The following BMPR1B variants were observed in gnomAD, a reference collection of about 807,000 sequenced individuals.
BMPR1B encodes the protein bone morphogenetic protein receptor type 1B, also known as bone morphogenetic protein receptor type-1B.
BMPR1B carries 12 observed loss-of-function variants against 59.1 expected under a neutral mutation model. That is an observed-to-expected ratio of 0.20 (90% CI 0.13 to 0.33). The LOEUF (loss-of-function observed/expected upper bound fraction) is 0.33. Ranked by LOEUF, BMPR1B falls within the 10% of genes least tolerant of loss-of-function variation. The pLI, the probability that BMPR1B is intolerant of heterozygous loss-of-function variation, is 1.00. For synonymous variants in BMPR1B, 237 were observed against 207.3 expected (o/e 1.14, Z -1.23); for missense variants, 550 against 610.9 (o/e 0.90, Z 1.05).
chr4:95,001,019 A>G (rs1722407388), intron 3 of BMPR1B, among the ~76,000 whole-genome samples: 1 of 152,204 alleles, frequency 6.6e-6, no homozygotes, highest in Non-Finnish European at 1.5e-5. Context: ...CATAGGTAAC[A>G]TAACCCGCCA....
At chr4:94,790,454 A>C (rs773021633) in intron 1 of BMPR1B, among the ~76,000 whole-genome samples, 3 of 152,130 alleles carry the variant, frequency 2.0e-5, no homozygotes, top group Non-Finnish European at 2.9e-5. Context: ...GGAGGCAGGA[A>C]GGCCAGTTAG....
chr4:94,930,146 C>T (rs1729041998), intron 2 of BMPR1B, among the ~76,000 whole-genome samples: 1 of 152,090 alleles, frequency 6.6e-6, no homozygotes, highest in Non-Finnish European at 1.5e-5. Context: ...GCCAGTTTTG[C>T]ACCTTCTAGT....
intron 2 of BMPR1B, among the ~76,000 whole-genome samples, chr4:94,908,093 A>AAGAAAAAG (rs1728125436): frequency 8.4e-6 from 1 of 118,712 alleles, no homozygotes; most frequent in Non-Finnish European, 1.6e-5. Context: ...AAAAAAAAGA[A>AAGAAAAAG]AAAACAAAAA....
intron 3 of BMPR1B, among the ~76,000 whole-genome samples, chr4:95,088,551 T>A (rs1729758202): frequency 6.6e-6 from 1 of 152,164 alleles, no homozygotes; most frequent in Admixed American, 6.5e-5. Context: ...ATCTGCTATG[T>A]CATAATAGCA....
chr4:94,840,053 T>C (rs1260292484), intron 1 of BMPR1B, among the ~76,000 whole-genome samples: 1 of 151,772 alleles, frequency 6.6e-6, no homozygotes, highest in Non-Finnish European at 1.5e-5. Flanking sequence ...AATTCTGTGT[T>C]GAACATTCTT....
chr4:95,056,014 C>A (rs1726902509), intron 3 of BMPR1B, among the ~76,000 whole-genome samples: 1 of 151,960 alleles, frequency 6.6e-6, no homozygotes, highest in African/African-American at 2.4e-5. Flanking sequence ...TGAATTCTTC[C>A]CCCAACTTTT....
At chr4:95,098,239 T>G (rs1443668188) in intron 3 of BMPR1B, among the ~76,000 whole-genome samples, 1 of 152,064 alleles carries the variant, frequency 6.6e-6, no homozygotes, top group Non-Finnish European at 1.5e-5. Context: ...TTTCTTCTAT[T>G]TATTATTTCA....
chr4:94,793,143 A>G (rs1475926783), intron 1 of BMPR1B, among the ~76,000 whole-genome samples: 2 of 152,124 alleles, frequency 1.3e-5, no homozygotes, highest in African/African-American at 4.8e-5. Flanking sequence ...CATTAGGTAT[A>G]TCTCCCAATG....
chr4:94,894,355 C>A lies in BMPR1B; in HGVS notation c.-113+18455C>A, dbSNP rs116020984. 6.8e-3 allele frequency among the ~76,000 whole-genome samples: 1,029 copies of A among 152,004 alleles called. 11 individuals carry two copies. Among genetic ancestry groups the A allele is most frequent in the African/African-American group, 0.023 (962 of 41,466 alleles). ...AGTTTCTCCAATATATTGGCACAGACCAGCTTTTCTTAAACAGTAAGCATT... is the reference window on the plus strand; with the variant it reads ...AGTTTCTCCAATATATTGGCACAGAACAGCTTTTCTTAAACAGTAAGCATT... On this transcript the variant is annotated intron_variant, in intron 2 of 12. Coordinates refer to ENST00000515059, the MANE Select transcript of BMPR1B (RefSeq NM_001203.3).
Position 95,125,054 on chromosome 4 carries a change from G to A in BMPR1B, c.518G>A (p.Gly173Glu), listed in dbSNP as rs1732806820. Residue 173 changes from glycine (G) to glutamate (E), a missense_variant, in exon 8 of 13, where the codon GGA (glycine) becomes GAA (glutamate). Transcript: ENST00000515059. ...CAGGATGAAACTTACATTCCTCCTG[G>A]AGAATCCCTGAGAGACTTAATTGAG... ...LEQDETYIPP[G>E]ESLRDLIEQS... 2 of 1,613,596 alleles carry A rather than the reference G, an allele frequency of 1.2e-6. No individual in the cohort carries two copies. Among genetic ancestry groups the A allele is most frequent in the African/African-American group, 1.3e-5 (1 of 74,876 alleles).
In BMPR1B at chr4:95,158,286, C is replaced by T. The variant is rs1560702474; in HGVS notation, c.*3613C>T. On this transcript the variant is annotated 3_prime_UTR_variant, in exon 13 of 13. Transcript: ENST00000515059. ...TCGTTGTCTGTTTCACAAGAAGACT[C>T]ATTTGTTCTTTTGGGGGAACCAGTG... 6.6e-6 allele frequency: 1 copy of T among 152,110 alleles called. No individual in the cohort carries two copies. The highest frequency in any genetic ancestry group is 1.5e-5 in the Non-Finnish European group (1 of 68,012). The allele number at this position is 152,110 out of a possible 1,614,324, so 9.4% of individuals were successfully genotyped here.
At chr4:94,862,311 G>A (rs112733471) in intron 1 of BMPR1B, among the ~76,000 whole-genome samples, 17,605 of 151,278 alleles carry the variant, frequency 0.12, 1,074 homozygotes, top group Non-Finnish European at 0.14. Flanking sequence ...CACCATGCCC[G>A]GCTAATTTTT....
At chr4:95,040,998 G>C (rs561918527) in intron 3 of BMPR1B, among the ~76,000 whole-genome samples, 32 of 152,214 alleles carry the variant, frequency 2.1e-4, no homozygotes, top group African/African-American at 7.5e-4. Context: ...CAATTCCTTG[G>C]CACCTCACTC....
intron 1 of BMPR1B, among the ~76,000 whole-genome samples, chr4:94,762,667 G>A (rs1435051422): frequency 2.0e-5 from 3 of 152,162 alleles, no homozygotes; most frequent in South Asian, 2.1e-4. Flanking sequence ...AAACAGAGAA[G>A]TGAACAAATA....
At chr4:94,801,696 T>C (rs1723414116) in intron 1 of BMPR1B, among the ~76,000 whole-genome samples, 1 of 152,200 alleles carries the variant, frequency 6.6e-6, no homozygotes, top group Admixed American at 6.5e-5. Context: ...TAACAGTTAC[T>C]GGAACTTGAA....
intron 1 of BMPR1B, among the ~76,000 whole-genome samples, chr4:94,854,686 A>G (rs1239594734): frequency 6.6e-6 from 1 of 152,142 alleles, no homozygotes; most frequent in Non-Finnish European, 1.5e-5. Flanking sequence ...GACCCATGAA[A>G]ACTCTTCGTT....
At chr4:94,820,860 C>G (rs149719089) in intron 1 of BMPR1B, among the ~76,000 whole-genome samples, 198 of 152,308 alleles carry the variant, frequency 1.3e-3, no homozygotes, top group African/African-American at 4.6e-3. Context: ...AACCATATAA[C>G]ATATGTTGCT....
Position 95,131,338 on chromosome 4 carries a change from T to C in BMPR1B, c.902T>C (p.Met301Thr). The C allele has an allele frequency of 6.2e-7, 1 of 1,614,102 alleles. No individual in the cohort carries two copies. Residue 301 changes from methionine to threonine, a missense_variant, in exon 10 of 13, where the codon ATG (methionine) becomes ACG (threonine). Transcript: ENST00000515059. ...LKSTTLDAKS[M>T]LKLAYSSVSG... ...TCCACCACCCTAGACGCTAAATCAA[T>C]GCTGAAGTTAGCCTACTCTTCTGTC...
At chr4:95,089,319 T>C (rs1729814114) in intron 3 of BMPR1B, among the ~76,000 whole-genome samples, 1 of 151,984 alleles carries the variant, frequency 6.6e-6, no homozygotes, top group South Asian at 2.1e-4. Context: ...TTTGTTGTTC[T>C]TTTTTTGGCG....
Sources: gnomAD v4.1 joint callset for allele counts (sites outside exome capture counted in the v4.1 genomes callset) on GRCh38, gnomAD v4.1.1 for gene constraint, MANE v1.5 for transcripts, NCBI Gene and HGNC (gene_info 2026-07-23, HGNC 2026-07-21) for gene names.